SMYD3: variants seen among roughly 807,000 people sequenced by gnomAD.
SMYD3 encodes histone-lysine N-methyltransferase SMYD3.
SMYD3 carries 36 observed loss-of-function variants against 57.7 expected under a neutral mutation model. That is an observed-to-expected ratio of 0.62 (90% CI 0.48 to 0.82). The LOEUF (loss-of-function observed/expected upper bound fraction) is 0.82. Among genes scored for constraint, SMYD3 ranks in the 40% least tolerant of loss-of-function variants. SMYD3 has a pLI of 0.00. For synonymous variants in SMYD3, 211 were observed against 195.0 expected (o/e 1.08, Z -0.68); for missense variants, 515 against 538.8 (o/e 0.96, Z 0.44).
At chr1:245,765,915 C>G (rs961482911) in intron 10 of SMYD3, among the ~76,000 whole-genome samples, 2 of 152,102 alleles carry the variant, frequency 1.3e-5, no homozygotes, top group Non-Finnish European at 2.9e-5. Context: ...GGCGGATTTA[C>G]CAGGAGAGAC....
chr1:245,994,501 C>A (rs530713767), intron 5 of SMYD3, among the ~76,000 whole-genome samples: 1 of 152,112 alleles, frequency 6.6e-6, no homozygotes, highest in African/African-American at 2.4e-5. Flanking sequence ...ACTTTGGATG[C>A]CCTCACCCTC....
chr1:246,143,939 C>T (rs1303663101), intron 5 of SMYD3, among the ~76,000 whole-genome samples: 1 of 152,188 alleles, frequency 6.6e-6, no homozygotes, highest in Non-Finnish European at 1.5e-5. Context: ...TGCTTTCCAG[C>T]CAGGCACTCG....
intron 10 of SMYD3, among the ~76,000 whole-genome samples, chr1:245,835,527 C>G (rs1194172195): frequency 6.6e-6 from 1 of 152,168 alleles, no homozygotes; most frequent in African/African-American, 2.4e-5. Context: ...AGACAATCTG[C>G]TGAAATATTT....
chr1:246,119,500 C>T (rs769734553), intron 5 of SMYD3, among the ~76,000 whole-genome samples: 23 of 151,502 alleles, frequency 1.5e-4, no homozygotes, highest in Non-Finnish European at 2.4e-4. Context: ...GCAACCTCCA[C>T]CTCCAGGGTT....
chr1:246,323,307 T>C (rs2065281687), intron 5 of SMYD3, among the ~76,000 whole-genome samples: 1 of 152,150 alleles, frequency 6.6e-6, no homozygotes, highest in South Asian at 2.1e-4. Context: ...AGACTAACAC[T>C]GGTGCTAAGA....
At chr1:246,186,796 G>A (rs957737690) in intron 5 of SMYD3, 2 of 985,358 alleles carry the variant, frequency 2.0e-6, no homozygotes, top group Non-Finnish European at 2.4e-6. Context: ...GCCAAGTCGT[G>A]GGAAAGGCTG....
chr1:246,386,434 T>C (rs1450181486), intron 1 of SMYD3, among the ~76,000 whole-genome samples: 1 of 152,128 alleles, frequency 6.6e-6, no homozygotes, highest in African/African-American at 2.4e-5. Context: ...ACTGGTAGAC[T>C]AAACATTTTA....
chr1:246,225,804 C>T (rs1044256658), intron 5 of SMYD3, among the ~76,000 whole-genome samples: 6 of 152,122 alleles, frequency 3.9e-5, no homozygotes, highest in Non-Finnish European at 5.9e-5. Context: ...CGGAGGGATT[C>T]GTAACAACTA....
intron 5 of SMYD3, among the ~76,000 whole-genome samples, chr1:246,288,104 C>G: frequency 9.6e-6 from 1 of 104,570 alleles, no homozygotes. Context: ...GATGGAGTTT[C>G]ACTCTGTCAC....
rs74163421 is a variant in SMYD3 at position 246,245,120 on chromosome 1, C to CTTTTTTTTTTTTTTT, written c.531+82066_531+82080dup. 6.4e-3 allele frequency among the ~76,000 whole-genome samples: 786 copies of CTTTTTTTTTTTTTTT among 122,650 alleles called. 4 individuals carry two copies. Among genetic ancestry groups the CTTTTTTTTTTTTTTT allele is most frequent in the Non-Finnish European group, 8.5e-3 (503 of 59,050 alleles). 80.5% of individuals were successfully genotyped at this position (122,650 alleles called of 152,430 possible). On this transcript the variant is annotated intron_variant, in intron 5 of 11. Coordinates refer to ENST00000490107, the MANE Select transcript of SMYD3 (RefSeq NM_001167740.2). Reference sequence around the variant, plus strand: ...CCTAAAAGAATTCAGCAGCTACTGCCTTTTTTTTTTTTTTTTTTTTTAGTT... The same window carrying CTTTTTTTTTTTTTTT: ...CCTAAAAGAATTCAGCAGCTACTGCCTTTTTTTTTTTTTTTTTTTTTTTTTTTTTTTTTTTTAGTT...
intron 8 of SMYD3, among the ~76,000 whole-genome samples, chr1:245,877,779 C>T (rs909002661): frequency 1.3e-5 from 2 of 152,090 alleles, no homozygotes; most frequent in Admixed American, 6.5e-5. Context: ...TTTGGACATG[C>T]TAATATAAGA....
chr1:245,785,133 C>T (rs962953665), intron 10 of SMYD3, among the ~76,000 whole-genome samples: 54 of 151,884 alleles, frequency 3.6e-4, no homozygotes, highest in Non-Finnish European at 6.8e-4. Flanking sequence ...CCACCCGCCT[C>T]GGCCTCCCAA....
At chr1:246,106,680 C>T (rs1182806314) in intron 5 of SMYD3, among the ~76,000 whole-genome samples, 6 of 152,150 alleles carry the variant, frequency 3.9e-5, no homozygotes, top group Non-Finnish European at 8.8e-5. Flanking sequence ...TGGGTTTTCA[C>T]AGCACAACTG....
At chr1:246,348,077 T>TATATATATATATATATACAC in intron 2 of SMYD3, among the ~76,000 whole-genome samples, 14 of 86,486 alleles carry the variant, frequency 1.6e-4, no homozygotes, top group African/African-American at 2.4e-4. Flanking sequence ...TATATATATA[T>TATATATATATATATATACAC]ACACACACAC....
At chr1:246,363,596 G>C (rs367624111) in intron 1 of SMYD3, among the ~76,000 whole-genome samples, 11 of 152,192 alleles carry the variant, frequency 7.2e-5, no homozygotes, top group Admixed American at 5.9e-4. Context: ...TTCTGCCTTG[G>C]GATCCTGTTG....
chr1:246,282,563 G>C (rs972329263), intron 5 of SMYD3, among the ~76,000 whole-genome samples: 1 of 148,930 alleles, frequency 6.7e-6, no homozygotes, highest in African/African-American at 2.5e-5. Context: ...AAAAAAAGCT[G>C]CATGTATTTT....
chr1:245,790,762 C>T (rs2047235663), intron 10 of SMYD3, among the ~76,000 whole-genome samples: 1 of 152,200 alleles, frequency 6.6e-6, no homozygotes, highest in South Asian at 2.1e-4. Flanking sequence ...GACTGAACAG[C>T]TTTATGGGTC....
intron 1 of SMYD3, among the ~76,000 whole-genome samples, chr1:246,390,000 C>A (rs1013964711): frequency 1.3e-5 from 2 of 151,898 alleles, no homozygotes; most frequent in Non-Finnish European, 2.9e-5. Context: ...AGATCTGCTG[C>A]GGGATGGGGG....
chr1:246,366,171 T>C (rs1015629608), intron 1 of SMYD3, among the ~76,000 whole-genome samples: 3 of 152,288 alleles, frequency 2.0e-5, no homozygotes, highest in Admixed American at 2.0e-4. Context: ...AAAAAAACGC[T>C]ATAATAAATG....
Sources: allele counts gnomAD v4.1 joint callset (sites outside exome capture counted in the v4.1 genomes callset), GRCh38; gene constraint gnomAD v4.1.1; transcripts MANE v1.5; gene names NCBI Gene and HGNC (gene_info 2026-07-23, HGNC 2026-07-21).